Variants in NELFE observed in about 807,000 individuals in gnomAD.
NELFE encodes negative elongation factor E.
NELFE carries 26 observed loss-of-function variants against 55.5 expected under a neutral mutation model. The observed-to-expected ratio is 0.47, with a 90% CI of 0.34 to 0.65. The LOEUF (loss-of-function observed/expected upper bound fraction) is 0.65. Among genes scored for constraint, NELFE ranks in the 30% least tolerant of loss-of-function variants. The pLI is 0.01. For synonymous variants in NELFE, 162 were observed against 178.0 expected, an observed-to-expected ratio of 0.91 and a Z score of 0.72; for missense variants, 403 against 506.9, an observed-to-expected ratio of 0.80 and a Z score of 1.97.
chr6:31,958,477 G>A (rs1217712960), intron 1 of NELFE, 23 bp from the exon 2 acceptor site: 13 of 1,601,290 alleles, frequency 8.1e-6, no homozygotes, highest in Admixed American at 1.7e-5. Flanking sequence ...CAGGGCCCAA[G>A]ACATCTTTCT....
chr6:31,952,242 AGT>A lies in NELFE; in HGVS notation c.*57_*58del, dbSNP rs1384419576. On this transcript the variant is annotated 3_prime_UTR_variant, in exon 11 of 11. Coordinates refer to ENST00000375429, the MANE Select transcript of NELFE (RefSeq NM_002904.6). ...AGGGAGATGTGTAAGCTTCCACCTC[AGT>A]GTTTTACTGAGACCAGCATTGGGGC... 1.4e-6 allele frequency: 2 copies of A among 1,479,894 alleles called. No individual in the cohort carries two copies. Among genetic ancestry groups the A allele is most frequent in the East Asian group, 4.5e-5 (2 of 44,214 alleles). 91.7% of individuals were successfully genotyped at this position (1,479,894 alleles called of 1,614,324 possible). A position where few individuals can be genotyped will look rare whatever the true frequency, so the allele number is the denominator to read the frequency against.
intron 2 of NELFE, 104 bp downstream of exon 2, chr6:31,958,268 G>A (rs1458334263): frequency 7.9e-6 from 8 of 1,011,766 alleles, no homozygotes; most frequent in Non-Finnish European, 1.3e-5. Context: ...TATGTCTCTA[G>A]GTATGGGCCA....
chr6:31,958,852 T>C, intron 1 of NELFE, 40 bp downstream of exon 1: 1 of 620,002 alleles, frequency 1.6e-6, no homozygotes, highest in Non-Finnish European at 2.9e-6. Context: ...GAAACGGCTA[T>C]GAGAAAAAGG....
chr6:31,953,917 G>A (rs1033084749), intron 9 of NELFE, 86 bp from the exon 10 acceptor site: 3 of 1,365,684 alleles, frequency 2.2e-6, no homozygotes, highest in East Asian at 2.3e-5. Context: ...GCTATCCTAG[G>A]AGGAGACTGA....
chr6:31,954,809 G>C lies in NELFE; in HGVS notation c.488C>G (p.Pro163Arg), dbSNP rs1247042720. 2 of 1,603,978 alleles carry C rather than the reference G, an allele frequency of 1.2e-6. No individual in the cohort carries two copies. Among genetic ancestry groups the C allele is most frequent in the South Asian group, 1.1e-5 (1 of 90,312 alleles). The change falls in exon 7 of 11, where the codon CCT becomes CGT. Residue 163 changes from proline to arginine, a missense_variant. Coordinates refer to ENST00000375429, the MANE Select transcript of NELFE (RefSeq NM_002904.6). The surrounding 1 kb of genome is among the most constrained non-coding windows in gnomAD (Gnocchi z 5.5). ...TTCATAGCCCCAGTCAAAGCTTCGA[G>C]GGGGACCATCACCAGCCCCTGGGCC... ...AEGPGAGDGP[P>R]RSFDWGYEER...
Position 31,958,946 on chromosome 6 carries a change from G to A in NELFE, c.-63C>T. 1 of 597,220 alleles carries A rather than the reference G, an allele frequency of 1.7e-6. No homozygotes were observed. The highest frequency in any genetic ancestry group is 1.9e-5 in the African/African-American group (1 of 53,848). The allele number at this position is 597,220 out of a possible 1,614,324, so 37.0% of individuals were successfully genotyped here. On this transcript the variant is annotated 5_prime_UTR_variant, in exon 1 of 11. Transcript: ENST00000375429. ...GTCTCCGGCCGCGCCCGCGCTGGCC[G>A]CTGATAGCGGGCTCACAACGATGAC...
intron 10 of NELFE, 29 bp downstream of exon 10, chr6:31,953,700 G>A (rs1460131198): frequency 6.4e-7 from 1 of 1,568,286 alleles, no homozygotes. Context: ...GTGGGGGAGA[G>A]GATGGGAAAG....
chr6:31,957,338 A>T, intron 2 of NELFE: 1 of 563,864 alleles, frequency 1.8e-6, no homozygotes, highest in Non-Finnish European at 3.3e-6. Context: ...AGCTTCATCC[A>T]TCTATTTCCT....
intron 2 of NELFE, 181 bp downstream of exon 2, chr6:31,958,191 A>G (rs748667134): frequency 1.3e-5 from 8 of 623,176 alleles, no homozygotes; most frequent in African/African-American, 3.7e-5. Context: ...CAAATTGCAT[A>G]GAAAAGACAG....
intron 1 of NELFE, 83 bp downstream of exon 1, chr6:31,958,809 C>A (rs369555641): frequency 1.5e-6 from 1 of 671,882 alleles, no homozygotes; most frequent in Non-Finnish European, 2.7e-6. Flanking sequence ...GCCAGCGTAG[C>A]GCCCGCAGAG....
At chr6:31,958,187 G>A in intron 2 of NELFE, 185 bp downstream of exon 2, 2 of 620,042 alleles carry the variant, frequency 3.2e-6, no homozygotes, top group South Asian at 3.8e-5. Flanking sequence ...ATGGCAAATT[G>A]CATAGAAAAG....
intron 10 of NELFE, among the ~76,000 whole-genome samples, chr6:31,953,182 A>G (rs1451238432): frequency 6.6e-6 from 1 of 152,124 alleles, no homozygotes; most frequent in Non-Finnish European, 1.5e-5. Context: ...CGTTAGGCTC[A>G]ACGTTAGCCT....
Position 31,954,438 on chromosome 6 carries a change from C to T in NELFE, c.747G>A (p.Ser249=), listed in dbSNP as rs146827068. Residue 249 remains serine, a synonymous_variant, in exon 8 of 11, where the codon TCG becomes TCA. Coordinates refer to ENST00000375429, the MANE Select transcript of NELFE (RefSeq NM_002904.6). This position sits in a 1 kb window ranked among gnomAD's most constrained non-coding sequence, Gnocchi z 5.5. ...GGGCTCGCCGTTCAGGGAATGAATC[C>T]GACCCTTTGGGAGCACAAATCATAG... The part of the protein sequence containing the change: ...DRDREGPFRR[S]DSFPERRAPR... 2.3e-4 allele frequency: 367 copies of T among 1,598,328 alleles called. No individual in the cohort carries two copies. Among genetic ancestry groups the T allele is most frequent in the Non-Finnish European group, 3.1e-4 (358 of 1,171,488 alleles).
chr6:31,958,109 G>A (rs1772203560), intron 2 of NELFE, among the ~76,000 whole-genome samples: 1 of 152,110 alleles, frequency 6.6e-6, no homozygotes, highest in Non-Finnish European at 1.5e-5. Context: ...GATAGAACTG[G>A]AAAAAACAAA....
Position 31,956,741 on chromosome 6 carries a change from G to GGA in NELFE, c.242_243insTC (p.Lys82ProfsTer16). 6.2e-7 allele frequency: 1 copy of GGA among 1,612,688 alleles called. No homozygotes were observed. The highest frequency in any genetic ancestry group is 8.5e-7 in the Non-Finnish European group (1 of 1,179,716). ...GAGAACGCTTGAAGCCTGAGTTCTTGGTCTCAGCCTTGATGGCACTGATGG... is the reference window on the plus strand; with the variant it reads ...GAGAACGCTTGAAGCCTGAGTTCTTGGAGTCTCAGCCTTGATGGCACTGATGG... On this transcript the variant is annotated frameshift_variant, in exon 4 of 11. Transcript: ENST00000375429. LOFTEE classifies it high-confidence loss of function.
At position 31,954,674 on chromosome 6, in the gene NELFE, C is replaced by T. The variant is rs559007998; in HGVS notation, c.623G>A (p.Arg208Gln). ...CCGCTCTCTGTCTCTGTCTCGATCC[C>T]GGTCTCGATCCCGCTCCCGATCTCG... Reference protein sequence around the residue: ...RDRDRERDRDRDRDRDRERDR... With the variant: ...RDRDRERDRDQDRDRDRERDR... The change falls in exon 7 of 11, where the codon CGG becomes CAG. Residue 208 changes from arginine (R) to glutamine (Q), a missense_variant. Around this residue, in one of 3 missense-constraint regions of NELFE, gnomAD observed 229 missense variants for 228.3 expected, o/e 1.00. Transcript: ENST00000375429. The surrounding 1 kb of genome is among the most constrained non-coding windows in gnomAD (Gnocchi z 5.5). The T allele has an allele frequency of 5.7e-6, 9 of 1,582,826 alleles. No homozygotes were observed. Among genetic ancestry groups the T allele is most frequent in the East Asian group, 2.3e-5 (1 of 44,132 alleles).
intron 2 of NELFE, chr6:31,957,542 G>A: frequency 2.3e-6 from 1 of 444,368 alleles, no homozygotes. Flanking sequence ...ATTAAACTAG[G>A]CCCTCTCCCG....
In NELFE at chr6:31,954,700, G is replaced by A. The variant is rs1035720214; in HGVS notation, c.597C>T (p.Asp199=). 1 of 1,613,168 alleles carries A rather than the reference G, an allele frequency of 6.2e-7. No homozygotes were observed. Among genetic ancestry groups the A allele is most frequent in the Non-Finnish European group, 8.5e-7 (1 of 1,179,458 alleles). Residue 199 remains aspartate (D), a synonymous_variant, in exon 7 of 11, where the codon GAC becomes GAT. Coordinates refer to ENST00000375429, the MANE Select transcript of NELFE (RefSeq NM_002904.6). This position sits in a 1 kb window ranked among gnomAD's most constrained non-coding sequence, Gnocchi z 5.5. ...DRSHERNRDR[D]RDRERDRDRD... ...GGTCTCGATCCCGCTCCCGATCTCGGTCTCTGTCCCGGTTCCTCTCATGGC... is the reference window on the plus strand; with the variant it reads ...GGTCTCGATCCCGCTCCCGATCTCGATCTCTGTCCCGGTTCCTCTCATGGC...
At chr6:31,956,372 A>G in intron 4 of NELFE, among the ~76,000 whole-genome samples, 1 of 152,024 alleles carries the variant, frequency 6.6e-6, no homozygotes, top group Non-Finnish European at 1.5e-5. Flanking sequence ...CACCACGCCC[A>G]GCTGGTATTT....
Sources: gnomAD v4.1 joint callset for allele counts (sites outside exome capture counted in the v4.1 genomes callset) on GRCh38, gnomAD v4.1.1 for gene constraint, gnomAD v4.1.1 regional missense constraint, Gnocchi (gnomAD v3.1) non-coding constraint, MANE v1.5 for transcripts, NCBI Gene and HGNC (gene_info 2026-07-23, HGNC 2026-07-21) for gene names.